The following TAF1 variants were observed in gnomAD, a reference collection of about 807,000 sequenced individuals.
TAF1 encodes transcription initiation factor TFIID subunit 1.
Under a neutral mutation model 138.5 loss-of-function variants are expected in TAF1, and 2 were observed. The observed-to-expected ratio is 0.01, with a 90% CI of 0.01 to 0.05. The LOEUF (loss-of-function observed/expected upper bound fraction) is 0.05. Among genes scored for constraint, TAF1 ranks in the 10% least tolerant of loss-of-function variants. TAF1 has a pLI of 1.00. For missense variants in TAF1, 709 were observed against 1,478.0 expected, an observed-to-expected ratio of 0.48 and a Z score of 8.53; for synonymous variants, 437 against 503.2, an observed-to-expected ratio of 0.87 and a Z score of 1.76.
intron 28 of TAF1, among the ~76,000 whole-genome samples, chrX:71,413,592 C>T (rs752319682): frequency 1.8e-5 from 2 of 111,592 alleles, no homozygotes; most frequent in Non-Finnish European, 3.8e-5. Flanking sequence ...ATTCTCATTA[C>T]TTCAGCCATA....
intron 32 of TAF1, among the ~76,000 whole-genome samples, chrX:71,436,238 CAG>C (rs1303758010): frequency 3.4e-5 from 3 of 88,377 alleles, no homozygotes; most frequent in Non-Finnish European, 6.5e-5. Context: ...TTTTTTGAGA[CAG>C]AGTCTTGCTC....
intron 13 of TAF1, among the ~76,000 whole-genome samples, chrX:71,514,514 G>A (rs73544842): frequency 0.011 from 1,211 of 107,100 alleles, 19 homozygotes; most frequent in African/African-American, 0.039. Context: ...GCCTGAGGGA[G>A]CAGAAAGGAG....
intron 28 of TAF1, among the ~76,000 whole-genome samples, chrX:71,411,281 C>T (rs778373504): frequency 1.8e-5 from 2 of 111,368 alleles, no homozygotes; most frequent in Non-Finnish European, 3.8e-5. Flanking sequence ...AGGGTTTCAC[C>T]ATGTTGGCCA....
chrX:71,420,927 G>A (rs1403634332), intron 28 of TAF1, among the ~76,000 whole-genome samples: 6 of 112,291 alleles, frequency 5.3e-5, no homozygotes, highest in Non-Finnish European at 9.4e-5. Flanking sequence ...ACAAGATGGC[G>A]CCACCGCCCT....
chrX:71,514,063 A>C (rs1209968560), intron 13 of TAF1, among the ~76,000 whole-genome samples: 1 of 111,720 alleles, frequency 9.0e-6, no homozygotes, highest in Non-Finnish European at 1.9e-5. Flanking sequence ...TTCACAATAC[A>C]TCTTGCTGCT....
chrX:71,390,642 G>A (rs1037930883), intron 18 of TAF1, among the ~76,000 whole-genome samples: 3 of 111,429 alleles, frequency 2.7e-5, no homozygotes, highest in East Asian at 2.8e-4. Flanking sequence ...TCAGCCTCCC[G>A]AGTAGCTGGG....
chrX:71,381,622 T>G, intron 8 of TAF1, 121 bp from the exon 9 acceptor site: 1 of 778,735 alleles, frequency 1.3e-6, no homozygotes, highest in Non-Finnish European at 1.9e-6. Context: ...AGTGGACACA[T>G]GAATAACTCC....
chrX:71,516,851 C>T (rs1237444028), intron 13 of TAF1, among the ~76,000 whole-genome samples: 1 of 108,983 alleles, frequency 9.2e-6, no homozygotes, highest in Non-Finnish European at 1.9e-5. Context: ...ACTACAGGCT[C>T]CTGCCACCAC....
chrX:71,484,336 CTTT>C (rs376235189), intron 13 of TAF1, among the ~76,000 whole-genome samples: 1 of 101,753 alleles, frequency 9.8e-6, no homozygotes, highest in Non-Finnish European at 2.0e-5. Context: ...GGTCAAATTA[CTTT>C]TTTTTTTTTT....
At chrX:71,528,037 G>T in intron 13 of TAF1, 3 of 185,102 alleles carry the variant, frequency 1.6e-5, no homozygotes, top group Non-Finnish European at 3.1e-5. Flanking sequence ...AGAGTCCCTG[G>T]TTGAATGTTC....
chrX:71,480,938 C>T (rs772013873), intron 13 of TAF1, among the ~76,000 whole-genome samples: 1 of 111,763 alleles, frequency 8.9e-6, no homozygotes, highest in African/African-American at 3.2e-5. Context: ...ATGATGGTGG[C>T]TTGGTTGAGG....
chrX:71,429,036 G>A (rs2036739363), intron 32 of TAF1, among the ~76,000 whole-genome samples: 2 of 111,539 alleles, frequency 1.8e-5, no homozygotes, highest in African/African-American at 6.5e-5. Flanking sequence ...AGCACTTTGG[G>A]AGGCTGAGGT....
At chrX:71,378,179 T>C in intron 6 of TAF1, 56 bp from the exon 7 acceptor site, 2 of 1,140,780 alleles carry the variant, frequency 1.8e-6, no homozygotes, top group Non-Finnish European at 2.4e-6. Flanking sequence ...CTCTATAGCC[T>C]TAGGACATCT....
intron 13 of TAF1, chrX:71,492,133 C>T: frequency 8.6e-6 from 1 of 116,794 alleles, no homozygotes; most frequent in Admixed American, 9.2e-5. Flanking sequence ...GGGCTTTGCC[C>T]ATCGTTCTTT....
At chrX:71,471,084 G>A (rs1158032431) in intron 13 of TAF1, among the ~76,000 whole-genome samples, 4 of 108,456 alleles carry the variant, frequency 3.7e-5, no homozygotes, top group Non-Finnish European at 5.7e-5. Context: ...TTGGGAGGCC[G>A]AGGCGGGAGA....
At chrX:71,489,057 ACT>A (rs1204239915) in intron 13 of TAF1, among the ~76,000 whole-genome samples, 101 of 101,562 alleles carry the variant, frequency 9.9e-4, no homozygotes, top group Non-Finnish European at 3.4e-4. Context: ...ACAGAGCAAG[ACT>A]CTGTCTGAAA....
chrX:71,452,415 C>A (rs1371002098), intron 32 of TAF1, among the ~76,000 whole-genome samples: 1 of 111,605 alleles, frequency 9.0e-6, no homozygotes, highest in African/African-American at 3.3e-5. Context: ...CTCCTCACAT[C>A]CCAGACGGGG....
intron 32 of TAF1, among the ~76,000 whole-genome samples, chrX:71,429,620 G>C (rs896333974): frequency 4.5e-5 from 5 of 111,150 alleles, no homozygotes; most frequent in Non-Finnish European, 9.4e-5. Flanking sequence ...GACATATCAG[G>C]TACTAGTACC....
Position 71,367,625 on chromosome X carries a change from G to A in TAF1, c.235+12G>A. On this transcript the variant is annotated intron_variant, in intron 2 of 37. Coordinates refer to ENST00000423759, the MANE Select transcript of TAF1 (RefSeq NM_004606.5). ...GGTAAATGATGAAGGTGAAGTCTGG[G>A]TTGTGGGGAGTAGGCGGGGGAGGAG... 1 of 1,207,717 alleles carries A rather than the reference G, an allele frequency of 8.3e-7. No individual in the cohort carries two copies. The highest frequency in any genetic ancestry group is 1.1e-6 in the Non-Finnish European group (1 of 892,365).
Sources: gnomAD v4.1 joint callset for allele counts (sites outside exome capture counted in the v4.1 genomes callset) on GRCh38, gnomAD v4.1.1 for gene constraint, MANE v1.5 for transcripts, NCBI Gene and HGNC (gene_info 2026-07-23, HGNC 2026-07-21) for gene names.